The following LSM11 variants were observed in gnomAD, a reference collection of about 807,000 sequenced individuals.
LSM11 encodes the protein LSM11, U7 small nuclear RNA associated, also known as U7 snRNA-associated Sm-like protein LSm11.
In LSM11, 14 loss-of-function variants were observed where a neutral mutation model predicts 28.1. The ratio of observed to expected loss-of-function variants is 0.50; its 90% CI spans 0.33 to 0.78. LSM11 has a LOEUF of 0.78. Among genes scored for constraint, LSM11 ranks in the 30% least tolerant of loss-of-function variants. The pLI, the probability that LSM11 is intolerant of heterozygous loss-of-function variation, is 0.02. For synonymous variants in LSM11, 207 were observed against 214.2 expected (o/e 0.97, Z 0.30); for missense variants, 495 against 510.6 (o/e 0.97, Z 0.30).
rs536402539 is a variant in LSM11, at chr5:157,755,396, G to A, written c.*132G>A. 9.7e-7 allele frequency: 1 copy of A among 1,029,192 alleles called. No homozygotes were observed. The highest frequency in any genetic ancestry group is 1.7e-5 in the South Asian group (1 of 59,960). 63.8% of individuals were successfully genotyped at this position (1,029,192 alleles called of 1,614,324 possible). A position where few individuals can be genotyped will look rare whatever the true frequency, so the allele number is the denominator to read the frequency against. Reference sequence around the variant, plus strand: ...CCTGCATATGCAGAGGACGGAGCAGGCTCAGCCCCCTGGAAGATGAGCTCA... The same window carrying A: ...CCTGCATATGCAGAGGACGGAGCAGACTCAGCCCCCTGGAAGATGAGCTCA... On this transcript the variant is annotated 3_prime_UTR_variant, in exon 4 of 4. Transcript: ENST00000286307.
At position 157,743,799 on chromosome 5, in the gene LSM11, G is replaced by A. The variant is rs1477287766; in HGVS notation, c.49G>A (p.Ala17Thr). 2.0e-6 allele frequency: 3 copies of A among 1,467,464 alleles called. No homozygotes were observed. The highest frequency in any genetic ancestry group is 2.2e-4 in the Middle Eastern group (1 of 4,564). The allele number at this position is 1,467,464 out of a possible 1,614,324, so 90.9% of individuals were successfully genotyped here. The change falls in exon 1 of 4, where the codon GCG (alanine) becomes ACG (threonine). Residue 17 changes from alanine (A) to threonine (T), a missense_variant. Ala to Thr is a moderately conservative substitution (Grantham distance 58). Transcript: ENST00000286307. The part of the protein sequence containing the change: ...GARSAGAGSP[A>T]RPPSPRLDVS... ...GAGGTCGGCTGGCGCCGGGAGCCCC[G>A]CGCGCCCGCCCAGCCCGCGGCTGGA... is the stretch of plus-strand genomic sequence containing the variant.
intron 1 of LSM11, among the ~76,000 whole-genome samples, chr5:157,749,414 A>T (rs1761192606): frequency 6.6e-6 from 1 of 152,254 alleles, no homozygotes; most frequent in Non-Finnish European, 1.5e-5. Context: ...TCCTGAAATA[A>T]ATCTACAAGT....
At position 157,744,025 on chromosome 5, in the gene LSM11, C is replaced by G. The variant is rs2113065051; in HGVS notation, c.275C>G (p.Pro92Arg). 2.2e-6 allele frequency: 3 copies of G among 1,368,406 alleles called. No individual in the cohort carries two copies. The South Asian group carries it at 5.0e-5, about 23-fold the overall frequency. The allele number at this position is 1,368,406 out of a possible 1,614,324, so 84.8% of individuals were successfully genotyped here. The change falls in exon 1 of 4, where the codon CCC becomes CGC. Residue 92 changes from proline to arginine, a missense_variant. By Grantham distance (103) the Pro-to-Arg change is moderately radical (BLOSUM62 -2). Coordinates refer to ENST00000286307, the MANE Select transcript of LSM11 (RefSeq NM_173491.4). ...AGSGVPAAPG[P>R]SGRTRRRPDA... ...TCTGGGGTTCCCGCCGCACCCGGGC[C>G]CTCGGGCAGGACTCGTCGCCGCCCG... is the stretch of plus-strand genomic sequence containing the variant.
intron 2 of LSM11, among the ~76,000 whole-genome samples, chr5:157,752,962 G>A (rs1022331664): frequency 2.0e-5 from 3 of 151,910 alleles, no homozygotes; most frequent in African/African-American, 4.8e-5. Context: ...CATCCTCCTG[G>A]ATAAGAACAG....
In LSM11 at chr5:157,755,841, G is replaced by A. The variant is rs145501333; in HGVS notation, c.*577G>A. Reference sequence around the variant, plus strand: ...ATGTAGGGGTGAAATTTGGATAGGCGGTATGCTCAAAGCAGCCAGCAATGA... The same window carrying A: ...ATGTAGGGGTGAAATTTGGATAGGCAGTATGCTCAAAGCAGCCAGCAATGA... On this transcript the variant is annotated 3_prime_UTR_variant, in exon 4 of 4. Coordinates refer to ENST00000286307, the MANE Select transcript of LSM11 (RefSeq NM_173491.4). The A allele has an allele frequency of 1.8e-3, 729 of 399,430 alleles. 2 individuals are homozygous for A. Among genetic ancestry groups the A allele is most frequent in the African/African-American group, 0.012 (589 of 48,612 alleles). The allele number at this position is 399,430 out of a possible 1,614,324, so 24.7% of individuals were successfully genotyped here.
chr5:157,759,193 A>G lies in LSM11; in HGVS notation c.*3929A>G, dbSNP rs1761374950. On this transcript the variant is annotated 3_prime_UTR_variant, in exon 4 of 4. Transcript: ENST00000286307. ...TAGAGATCCTTGCTATGAGTTGTGG[A>G]TAGGAGTGGCTCCATCTATCCTTGT... 1 of 152,200 alleles carries G rather than the reference A, an allele frequency of 6.6e-6. No individual in the cohort carries two copies. Among genetic ancestry groups the G allele is most frequent in the African/African-American group, 2.4e-5 (1 of 41,440 alleles). 9.4% of individuals were successfully genotyped at this position (152,200 alleles called of 1,614,324 possible).
In LSM11 at chr5:157,755,083, C is replaced by T. The variant is rs1288787458; in HGVS notation, c.902C>T (p.Thr301Ile). Residue 301 changes from threonine to isoleucine, a missense_variant, in exon 4 of 4, where the codon ACT (threonine) becomes ATT (isoleucine). Coordinates refer to ENST00000286307, the MANE Select transcript of LSM11 (RefSeq NM_173491.4). ...EESRSELSGRTTRTDGSSVGG... is the reference protein window; with the variant it reads ...EESRSELSGRITRTDGSSVGG... Reference sequence around the variant, plus strand: ...TCCAGGTCAGAGCTGTCAGGGAGGACTACACGGACAGACGGCTCCAGTGTG... The same window carrying T: ...TCCAGGTCAGAGCTGTCAGGGAGGATTACACGGACAGACGGCTCCAGTGTG... The T allele has an allele frequency of 2.5e-6, 4 of 1,614,182 alleles. No individual in the cohort carries two copies. Among genetic ancestry groups the T allele is most frequent in the Middle Eastern group, 1.6e-4 (1 of 6,062 alleles).
Position 157,743,999 on chromosome 5 carries a change from C to T in LSM11, c.249C>T (p.Gly83=). The change falls in exon 1 of 4, where the codon GGC becomes GGT. Residue 83 remains glycine, a synonymous_variant. Transcript: ENST00000286307. ...GGCGGGCTCGGGGCGCGGCCGCGGGCTCTGGGGTTCCCGCCGCACCCGGGC... is the reference window on the plus strand; with the variant it reads ...GGCGGGCTCGGGGCGCGGCCGCGGGTTCTGGGGTTCCCGCCGCACCCGGGC... ...GRGRARGAAA[G]SGVPAAPGPS... is the part of the protein sequence containing the mutation. 1 of 1,312,998 alleles carries T rather than the reference C, an allele frequency of 7.6e-7. No homozygotes were observed. The highest frequency in any genetic ancestry group is 9.7e-7 in the Non-Finnish European group (1 of 1,032,242). 81.3% of individuals were successfully genotyped at this position (1,312,998 alleles called of 1,614,324 possible).
At chr5:157,749,107 T>G (rs1028432224) in intron 1 of LSM11, among the ~76,000 whole-genome samples, 3 of 152,184 alleles carry the variant, frequency 2.0e-5, no homozygotes, top group African/African-American at 7.2e-5. Context: ...TATTAAATCT[T>G]TGGAAGAAAA....
At chr5:157,752,309 T>C (rs901825170) in intron 2 of LSM11, among the ~76,000 whole-genome samples, 1 of 151,800 alleles carries the variant, frequency 6.6e-6, no homozygotes, top group Non-Finnish European at 1.5e-5. Flanking sequence ...TTTGTATTTT[T>C]AGTAGAGACA....
intron 1 of LSM11, among the ~76,000 whole-genome samples, chr5:157,747,116 A>G (rs1014888640): frequency 6.6e-6 from 1 of 152,176 alleles, no homozygotes; most frequent in Admixed American, 6.5e-5. Context: ...TAGAGATGGT[A>G]AGACAAGACT....
At chr5:157,747,259 C>T (rs1320329241) in intron 1 of LSM11, among the ~76,000 whole-genome samples, 1 of 152,174 alleles carries the variant, frequency 6.6e-6, no homozygotes, top group African/African-American at 2.4e-5. Context: ...GTATATCTGT[C>T]ACTGTGAAAT....
chr5:157,751,624 C>CA (rs1761233234), intron 2 of LSM11, 95 bp downstream of exon 2: 2 of 1,349,716 alleles, frequency 1.5e-6, no homozygotes, highest in Non-Finnish European at 2.0e-6. Flanking sequence ...AAGTAAAACC[C>CA]AAAAAATAAC....
chr5:157,755,104 G>A lies in LSM11; in HGVS notation c.923G>A (p.Ser308Asn), dbSNP rs745687060. 53 of 1,614,242 alleles carry A rather than the reference G, an allele frequency of 3.3e-5. No homozygotes were observed. The highest frequency in any genetic ancestry group is 4.3e-5 in the Non-Finnish European group (51 of 1,180,044). ...AGGACTACACGGACAGACGGCTCCA[G>A]TGTGGGAGGTACCTTTTCCAGGGCT... Reference protein sequence around the residue: ...SGRTTRTDGSSVGGTFSRATT... With the variant: ...SGRTTRTDGSNVGGTFSRATT... Residue 308 changes from serine (S) to asparagine (N), a missense_variant, in exon 4 of 4, where the codon AGT becomes AAT. By Grantham distance (46) the Ser-to-Asn change is conservative. Coordinates refer to ENST00000286307, the MANE Select transcript of LSM11 (RefSeq NM_173491.4).
chr5:157,747,551 G>T, intron 1 of LSM11: 1 of 228,716 alleles, frequency 4.4e-6, no homozygotes, highest in South Asian at 8.3e-5. Flanking sequence ...AAACAAACCT[G>T]ATTTATTGGG....
In LSM11 at chr5:157,757,210, T is replaced by C. The variant is rs1325039927; in HGVS notation, c.*1946T>C. 1.3e-5 allele frequency: 2 copies of C among 152,124 alleles called. No individual in the cohort carries two copies. Among genetic ancestry groups the C allele is most frequent in the South Asian group, 4.1e-4 (2 of 4,832 alleles). 9.4% of individuals were successfully genotyped at this position (152,124 alleles called of 1,614,324 possible). A position where few individuals can be genotyped will look rare whatever the true frequency, so the allele number is the denominator to read the frequency against. On this transcript the variant is annotated 3_prime_UTR_variant, in exon 4 of 4. Transcript: ENST00000286307. Reference sequence around the variant, plus strand: ...AAAGTAATCTTAGGGTTCATAGTTATGATCCTGTTGTAACTATCTTCGGAA... The same window carrying C: ...AAAGTAATCTTAGGGTTCATAGTTACGATCCTGTTGTAACTATCTTCGGAA...
In LSM11 at chr5:157,743,843, C is replaced by T. The variant is rs1761101072; in HGVS notation, c.93C>T (p.Phe31=). Residue 31 remains phenylalanine (F), a synonymous_variant, in exon 1 of 4, where the codon TTC becomes TTT. Transcript: ENST00000286307. Reference sequence around the variant, plus strand: ...GGCTGGATGTCAGCTCTGACAGCTTCGACCCGCTGCTGGCCCTGTACGCGC... The same window carrying T: ...GGCTGGATGTCAGCTCTGACAGCTTTGACCCGCTGCTGGCCCTGTACGCGC... ...SPRLDVSSDS[F]DPLLALYAPR... is the part of the protein sequence containing the mutation. 1.3e-6 allele frequency: 2 copies of T among 1,552,958 alleles called. No individual in the cohort carries two copies.
chr5:157,756,654 A>G lies in LSM11; in HGVS notation c.*1390A>G, dbSNP rs1025786446. Reference sequence around the variant, plus strand: ...GTCCTGCTAGCTGGACCACTGGCTCATCATGCAATGAAAAGGTGAGCAGAC... The same window carrying G: ...GTCCTGCTAGCTGGACCACTGGCTCGTCATGCAATGAAAAGGTGAGCAGAC... On this transcript the variant is annotated 3_prime_UTR_variant, in exon 4 of 4. Transcript: ENST00000286307. The G allele has an allele frequency of 1.3e-5, 2 of 152,552 alleles. No individual in the cohort carries two copies. The highest frequency in any genetic ancestry group is 2.9e-5 in the Non-Finnish European group (2 of 68,038). The allele number at this position is 152,552 out of a possible 1,614,324, so 9.4% of individuals were successfully genotyped here. A position where few individuals can be genotyped will look rare whatever the true frequency, so the allele number is the denominator to read the frequency against.
chr5:157,748,004 TG>T (rs1276844593), intron 1 of LSM11, among the ~76,000 whole-genome samples: 1 of 151,444 alleles, frequency 6.6e-6, no homozygotes, highest in African/African-American at 2.4e-5. Flanking sequence ...TGTGTGTGTG[TG>T]TGTGTGTGTG....
Sources: allele counts gnomAD v4.1 joint callset (sites outside exome capture counted in the v4.1 genomes callset), GRCh38; gene constraint gnomAD v4.1.1; transcripts MANE v1.5; gene names NCBI Gene and HGNC (gene_info 2026-07-23, HGNC 2026-07-21).